CSMD1: variants seen among roughly 807,000 people sequenced by gnomAD.
CSMD1 encodes CUB and sushi domain-containing protein 1.
A neutral mutation model predicts 417.5 loss-of-function variants in CSMD1; 213 were observed. The ratio of observed to expected loss-of-function variants is 0.51; its 90% CI spans 0.46 to 0.57. The LOEUF is 0.57. Ranked by LOEUF, CSMD1 falls within the 20% of genes least tolerant of loss-of-function variation. The pLI is 0.00. For synonymous variants in CSMD1, 2,862 were observed against 1,736.8 expected, an observed-to-expected ratio of 1.65 and a Z score of -16.11; for missense variants, 6,923 against 4,529.7, an observed-to-expected ratio of 1.53 and a Z score of -15.17.
At chr8:3,850,507 C>A (rs1373646357) in intron 5 of CSMD1, among the ~76,000 whole-genome samples, 1 of 152,048 alleles carries the variant, frequency 6.6e-6, no homozygotes, top group Non-Finnish European at 1.5e-5. Flanking sequence ...CCGGCTTGGC[C>A]AACATGGCAA....
intron 17 of CSMD1, among the ~76,000 whole-genome samples, chr8:3,395,176 T>A (rs1811609399): frequency 6.6e-6 from 1 of 152,184 alleles, no homozygotes; most frequent in Non-Finnish European, 1.5e-5. Flanking sequence ...TGTAAAATCA[T>A]ACGTGTGGGT....
rs563751371 is a variant in CSMD1 at position 4,487,697 on chromosome 8, A to C, written c.303-67632T>G. 1.7e-4 allele frequency among the ~76,000 whole-genome samples: 26 copies of C among 152,330 alleles called. No homozygotes were observed. The Middle Eastern group carries it at 0.01, about 60-fold the overall frequency. ...TAAAATAATTAAGTCCATTTAAAAA[A>C]TTTTGCCAAAATGCCTGTTTAGAGG... is the stretch of plus-strand genomic sequence containing the variant. On this transcript the variant is annotated intron_variant, in intron 2 of 69. Coordinates refer to ENST00000635120, the MANE Select transcript of CSMD1 (RefSeq NM_033225.6).
chr8:4,953,131 A>C (rs7464624), intron 1 of CSMD1, among the ~76,000 whole-genome samples: 3 of 152,048 alleles, frequency 2.0e-5, no homozygotes, highest in East Asian at 1.9e-4. Context: ...ATTAACTCAA[A>C]TTAACTGAAT....
rs540532569 is a variant in CSMD1, at chr8:4,602,251, G to C, written c.302+35091C>G. Reference sequence around the variant, plus strand: ...ATTGATGTTGTTGGGAGTTATTTTAGAAGAGAAAATCTCTTACTAAAAAAG... The same window carrying C: ...ATTGATGTTGTTGGGAGTTATTTTACAAGAGAAAATCTCTTACTAAAAAAG... On this transcript the variant is annotated intron_variant, in intron 2 of 69. Transcript: ENST00000635120. Among the ~76,000 whole-genome samples the C allele has an allele frequency of 3.3e-5, 5 of 152,182 alleles. 1 individual carries two copies. In the South Asian group the frequency reaches 8.3e-4, roughly 25 times the overall value.
chr8:3,154,065 C>A (rs1819365974), intron 39 of CSMD1, among the ~76,000 whole-genome samples: 2 of 152,188 alleles, frequency 1.3e-5, no homozygotes, highest in African/African-American at 4.8e-5. Context: ...CTCCCTGGTT[C>A]AAGTGATTCT....
chr8:4,774,693 G>C (rs947164864), intron 1 of CSMD1, among the ~76,000 whole-genome samples: 14 of 152,236 alleles, frequency 9.2e-5, no homozygotes, highest in African/African-American at 3.1e-4. Context: ...TGGCTCATGG[G>C]GGTGGATCCT....
At chr8:4,214,021 G>C (rs917712679) in intron 3 of CSMD1, among the ~76,000 whole-genome samples, 21 of 152,280 alleles carry the variant, frequency 1.4e-4, no homozygotes, top group African/African-American at 4.3e-4. Flanking sequence ...GACGATGTAA[G>C]TAACAATGGA....
At chr8:4,606,659 G>A (rs1242397688) in intron 2 of CSMD1, among the ~76,000 whole-genome samples, 1 of 152,138 alleles carries the variant, frequency 6.6e-6, no homozygotes, top group Non-Finnish European at 1.5e-5. Flanking sequence ...ACCATGATGT[G>A]TTCTATTCAC....
At chr8:4,307,463 C>G (rs1359143509) in intron 3 of CSMD1, among the ~76,000 whole-genome samples, 3 of 152,146 alleles carry the variant, frequency 2.0e-5, no homozygotes, top group African/African-American at 7.2e-5. Context: ...GCCCATGTTA[C>G]ATCCCCCAAG....
intron 5 of CSMD1, among the ~76,000 whole-genome samples, chr8:3,911,124 C>A (rs778739460): frequency 6.6e-6 from 1 of 152,064 alleles, no homozygotes; most frequent in East Asian, 1.9e-4. Flanking sequence ...GGACAGGTTG[C>A]CAATCACAGG....
At chr8:4,946,595 G>C (rs570050208) in intron 1 of CSMD1, among the ~76,000 whole-genome samples, 76 of 152,248 alleles carry the variant, frequency 5.0e-4, no homozygotes, top group African/African-American at 1.8e-3. Flanking sequence ...CTAAATTCTA[G>C]GCTTATGTCT....
At chr8:3,181,576 G>C (rs1821329318) in intron 36 of CSMD1, among the ~76,000 whole-genome samples, 1 of 152,138 alleles carries the variant, frequency 6.6e-6, no homozygotes. Context: ...ACAGCCAAGA[G>C]TAATGAGGGT....
chr8:4,872,382 A>C (rs747839989), intron 1 of CSMD1, among the ~76,000 whole-genome samples: 8 of 151,996 alleles, frequency 5.3e-5, no homozygotes, highest in African/African-American at 7.3e-5. Context: ...GAATCATGGG[A>C]GTGGTTTCCC....
chr8:3,164,262 G>C (rs1248232759), intron 37 of CSMD1, among the ~76,000 whole-genome samples: 1 of 152,212 alleles, frequency 6.6e-6, no homozygotes, highest in Non-Finnish European at 1.5e-5. Context: ...TGTATAGAAT[G>C]AGTAGGTAGG....
At chr8:3,302,440 G>T (rs1363762859) in intron 25 of CSMD1, among the ~76,000 whole-genome samples, 1 of 152,128 alleles carries the variant, frequency 6.6e-6, no homozygotes, top group East Asian at 1.9e-4. Flanking sequence ...TCCCACCTCA[G>T]CTATTTCTCC....
intron 25 of CSMD1, among the ~76,000 whole-genome samples, chr8:3,291,869 C>CT (rs1205518643): frequency 1.3e-5 from 2 of 152,006 alleles, no homozygotes; most frequent in African/African-American, 4.8e-5. Context: ...CTTCTGCTAG[C>CT]TTTTGAATGT....
At chr8:3,441,335 G>A (rs1183249451) in intron 12 of CSMD1, among the ~76,000 whole-genome samples, 2 of 152,038 alleles carry the variant, frequency 1.3e-5, no homozygotes, top group Non-Finnish European at 2.9e-5. Context: ...TAATAGGGGT[G>A]TTGAATTTGT....
chr8:3,397,947 T>C (rs1811802813), intron 16 of CSMD1, among the ~76,000 whole-genome samples: 1 of 152,210 alleles, frequency 6.6e-6, no homozygotes, highest in Non-Finnish European at 1.5e-5. Flanking sequence ...ATGCAATTCA[T>C]CTTTTAAGAG....
chr8:3,883,055 C>T (rs568366160), intron 5 of CSMD1, among the ~76,000 whole-genome samples: 5 of 152,230 alleles, frequency 3.3e-5, no homozygotes, highest in African/African-American at 1.2e-4. Flanking sequence ...ATCTAAGAGC[C>T]ACTGACATAA....
Sources: gnomAD v4.1 joint callset for allele counts (sites outside exome capture counted in the v4.1 genomes callset) on GRCh38, gnomAD v4.1.1 for gene constraint, MANE v1.5 for transcripts, NCBI Gene and HGNC (gene_info 2026-07-23, HGNC 2026-07-21) for gene names.